ZCWPW2: variants seen among roughly 807,000 people sequenced by gnomAD.
ZCWPW2 encodes zinc finger CW-type and PWWP domain containing 2, also known as zinc finger CW-type PWWP domain protein 2.
In ZCWPW2, 45 loss-of-function variants were observed where a neutral mutation model predicts 46.6. The ratio of observed to expected loss-of-function variants is 0.96; its 90% CI spans 0.76 to 1.24. The LOEUF is 1.24. ZCWPW2 is among the 50% of genes most tolerant of loss of function. The probability of loss-of-function intolerance (pLI) is 0.00; values close to 1 mark genes in which losing one functional copy is unlikely to be tolerated. For missense variants in ZCWPW2, 429 were observed against 403.9 expected (o/e 1.06, Z -0.53); for synonymous variants, 152 against 137.1 (o/e 1.11, Z -0.76).
rs555248961 is a variant in ZCWPW2, at chr3:28,424,260, C to G, written c.333-10850C>G. Reference sequence around the variant, plus strand: ...ACACACACACACACACACACACACACACACACACAGAGCCTTTAAATCAAT... The same window carrying G: ...ACACACACACACACACACACACACAGACACACACAGAGCCTTTAAATCAAT... On this transcript the variant is annotated intron_variant, in intron 3 of 9. Transcript: ENST00000383768. Among the ~76,000 whole-genome samples the G allele has an allele frequency of 6.2e-4, 94 of 151,612 alleles. 1 individual carries two copies. The South Asian group carries it at 0.013, about 20-fold the overall frequency.
At chr3:28,378,076 C>T (rs1018933130) in intron 1 of ZCWPW2, among the ~76,000 whole-genome samples, 2 of 151,906 alleles carry the variant, frequency 1.3e-5, no homozygotes, top group Non-Finnish European at 2.9e-5. Flanking sequence ...GGAGCTATGC[C>T]AGAAATTATC....
intron 4 of ZCWPW2, among the ~76,000 whole-genome samples, chr3:28,454,119 C>T (rs931796557): frequency 1.7e-4 from 26 of 152,126 alleles, no homozygotes; most frequent in African/African-American, 6.0e-4. Context: ...GCTGGGATTA[C>T]AGGCGTGAGC....
At chr3:28,385,415 G>A (rs1695234697) in intron 1 of ZCWPW2, among the ~76,000 whole-genome samples, 1 of 152,188 alleles carries the variant, frequency 6.6e-6, no homozygotes, top group Non-Finnish European at 1.5e-5. Flanking sequence ...ATGATCAGGT[G>A]CCAGAATACA....
intron 6 of ZCWPW2, among the ~76,000 whole-genome samples, chr3:28,512,649 T>C (rs1700459132): frequency 1.3e-5 from 2 of 152,206 alleles, no homozygotes; most frequent in African/African-American, 2.4e-5. Flanking sequence ...CTCTCACTGC[T>C]ATAGATTTGG....
intron 4 of ZCWPW2, among the ~76,000 whole-genome samples, chr3:28,436,332 T>TC (rs199929401): frequency 2.7e-5 from 4 of 146,006 alleles, no homozygotes; most frequent in African/African-American, 1.0e-4. Context: ...TCTTTTTTTT[T>TC]TTTTTTTTTG....
chr3:28,517,811 C>T (rs1700613564), intron 8 of ZCWPW2, among the ~76,000 whole-genome samples: 1 of 152,142 alleles, frequency 6.6e-6, no homozygotes, highest in Non-Finnish European at 1.5e-5. Context: ...AAAAACAACA[C>T]TGATTTATTT....
intron 3 of ZCWPW2, among the ~76,000 whole-genome samples, chr3:28,416,731 C>A (rs1443685798): frequency 3.7e-5 from 2 of 53,632 alleles, no homozygotes; most frequent in Non-Finnish European, 7.3e-5. Flanking sequence ...ATGAAGAGTT[C>A]TTGAATTTTG....
intron 6 of ZCWPW2, among the ~76,000 whole-genome samples, chr3:28,499,500 G>GT: frequency 6.6e-6 from 1 of 151,916 alleles, no homozygotes; most frequent in South Asian, 2.1e-4. Flanking sequence ...TGGTTGTTTG[G>GT]TTTTTTTCTT....
chr3:28,469,648 G>A (rs1038070942), intron 4 of ZCWPW2, among the ~76,000 whole-genome samples: 1 of 151,584 alleles, frequency 6.6e-6, no homozygotes, highest in Non-Finnish European at 1.5e-5. Context: ...AATGATAAAG[G>A]AGTTCATTCA....
rs962869812 is a variant in ZCWPW2, at chr3:28,516,533, T to C, written c.784+912T>C. On this transcript the variant is annotated intron_variant, in intron 8 of 9. Transcript: ENST00000383768. ...CAATTTCCTCCTTCTACATTTTCTT[T>C]AGTCTTGAAAAGCAGTGAAATGCTT... Among the ~76,000 whole-genome samples, 6 of 152,280 alleles carry C rather than the reference T, an allele frequency of 3.9e-5. No homozygotes were observed. The South Asian group carries it at 1.2e-3, about 32-fold the overall frequency.
intron 8 of ZCWPW2, 98 bp downstream of exon 8, chr3:28,515,719 G>A: frequency 1.7e-5 from 6 of 356,728 alleles, no homozygotes; most frequent in Admixed American, 6.2e-5. Flanking sequence ...GATTTCCTGT[G>A]TGTGTGTGTG....
chr3:28,368,891 C>T (rs947282689), intron 1 of ZCWPW2, among the ~76,000 whole-genome samples: 4 of 152,150 alleles, frequency 2.6e-5, no homozygotes, highest in African/African-American at 9.7e-5. Context: ...CTTCTCTTCT[C>T]GCTTCCTTTC....
At chr3:28,425,994 A>G (rs1478964192) in intron 3 of ZCWPW2, among the ~76,000 whole-genome samples, 1 of 152,114 alleles carries the variant, frequency 6.6e-6, no homozygotes, top group Non-Finnish European at 1.5e-5. Context: ...CTGTAATCCC[A>G]GCAACTCTGG....
At chr3:28,444,783 T>G (rs1697921401) in intron 4 of ZCWPW2, among the ~76,000 whole-genome samples, 1 of 152,166 alleles carries the variant, frequency 6.6e-6, no homozygotes, top group Non-Finnish European at 1.5e-5. Flanking sequence ...TTTCATCACT[T>G]TGTCCACTGA....
chr3:28,413,280 G>C lies in ZCWPW2; in HGVS notation c.212G>C (p.Cys71Ser), dbSNP rs995337756. The change falls in exon 3 of 10, where the codon TGC (cysteine) becomes TCC (serine). Residue 71 changes from cysteine to serine, a missense_variant. Coordinates refer to ENST00000383768, the MANE Select transcript of ZCWPW2 (RefSeq NM_001040432.4). ...AACACTGATTCAAGATATAATAACT[G>C]CTCAATTTCTGAAGAAGACTTCCCT... ...FMNTDSRYNN[C>S]SISEEDFPEE... 6.2e-7 allele frequency: 1 copy of C among 1,613,166 alleles called. No individual in the cohort carries two copies. Among genetic ancestry groups the C allele is most frequent in the African/African-American group, 1.3e-5 (1 of 74,854 alleles).
At chr3:28,401,177 CA>C (rs61543016) in intron 2 of ZCWPW2, among the ~76,000 whole-genome samples, 5 of 134,954 alleles carry the variant, frequency 3.7e-5, no homozygotes, top group Non-Finnish European at 4.8e-5. Context: ...GACTCCATCT[CA>C]AAAAAAAAAC....
chr3:28,451,870 T>C (rs1412025453), intron 4 of ZCWPW2, among the ~76,000 whole-genome samples: 1 of 152,178 alleles, frequency 6.6e-6, no homozygotes, highest in African/African-American at 2.4e-5. Context: ...AAAAAACTCT[T>C]GCACCATGTT....
At chr3:28,380,968 A>AAAAC (rs1695046852) in intron 1 of ZCWPW2, among the ~76,000 whole-genome samples, 1 of 28,826 alleles carries the variant, frequency 3.5e-5, no homozygotes, top group African/African-American at 1.8e-4. Flanking sequence ...ATATATATAT[A>AAAAC]TATTTGGTAT....
intron 2 of ZCWPW2, among the ~76,000 whole-genome samples, chr3:28,396,688 C>A (rs921881565): frequency 6.6e-6 from 1 of 152,170 alleles, no homozygotes; most frequent in African/African-American, 2.4e-5. Flanking sequence ...TTCCTATAAC[C>A]AAAGTATTGT....
Sources: allele counts gnomAD v4.1 joint callset (sites outside exome capture counted in the v4.1 genomes callset), GRCh38; gene constraint gnomAD v4.1.1; transcripts MANE v1.5; gene names NCBI Gene and HGNC (gene_info 2026-07-23, HGNC 2026-07-21).